BTNL8: variants seen among roughly 807,000 people sequenced by gnomAD.
BTNL8 encodes the protein butyrophilin-like protein 8.
In BTNL8, 22 loss-of-function variants were observed where a neutral mutation model predicts 36.1. The ratio of observed to expected loss-of-function variants is 0.61; its 90% CI spans 0.44 to 0.87. BTNL8 has a LOEUF of 0.87. BTNL8 is among the 40% of genes least tolerant of loss of function. The pLI is 0.00. For missense variants in BTNL8, 526 were observed against 616.9 expected (o/e 0.85, Z 1.56); for synonymous variants, 203 against 235.6 (o/e 0.86, Z 1.27).
At chr5:180,919,123 T>C (rs1757762545) in intron 3 of BTNL8, among the ~76,000 whole-genome samples, 1 of 152,192 alleles carries the variant, frequency 6.6e-6, no homozygotes, top group Non-Finnish European at 1.5e-5. Context: ...TGCTTTGGGG[T>C]AAAATATTTT....
intron 3 of BTNL8, among the ~76,000 whole-genome samples, chr5:180,918,371 AAATAT>A (rs1423781518): frequency 5.3e-5 from 8 of 152,240 alleles, no homozygotes; most frequent in Non-Finnish European, 5.9e-5. Flanking sequence ...GCAAATAAAT[AAATAT>A]AATATATGAC....
chr5:180,912,730 ATGT>A (rs1269745933), intron 3 of BTNL8, among the ~76,000 whole-genome samples: 4 of 152,188 alleles, frequency 2.6e-5, no homozygotes, highest in Non-Finnish European at 4.4e-5. Flanking sequence ...CTGAAAGTTC[ATGT>A]TGTGATCTAG....
rs564122210 is a variant in BTNL8 at position 180,908,814 on chromosome 5, C to A, written c.278C>A (p.Ala93Glu). The change falls in exon 2 of 8, where the codon GCG (alanine) becomes GAG (glutamate). Residue 93 changes from alanine to glutamate, a missense_variant. Physicochemically the swap from Ala to Glu is moderately radical, Grantham distance 107. Transcript: ENST00000340184. ...ACAAAACTGGTGAAGGATTCTATTG[C>A]GGAGGGGCGCATCTCTCTGAGGCTG... The part of the protein sequence containing the change: ...GRTKLVKDSI[A>E]EGRISLRLEN... 6 of 1,613,986 alleles carry A rather than the reference C, an allele frequency of 3.7e-6. No homozygotes were observed. The highest frequency in any genetic ancestry group is 5.1e-6 in the Non-Finnish European group (6 of 1,180,006).
At chr5:180,923,939 A>G (rs1382146978) in intron 3 of BTNL8, among the ~76,000 whole-genome samples, 1 of 152,236 alleles carries the variant, frequency 6.6e-6, no homozygotes, top group Non-Finnish European at 1.5e-5. Flanking sequence ...TACTCTTATT[A>G]AGGATTAGAT....
intron 1 of BTNL8, among the ~76,000 whole-genome samples, chr5:180,901,557 G>A (rs1431676858): frequency 6.6e-6 from 1 of 152,188 alleles, no homozygotes; most frequent in African/African-American, 2.4e-5. Context: ...AGCCTGTTCT[G>A]TGTGACTGGC....
At chr5:180,933,901 AAAAT>A in intron 3 of BTNL8, among the ~76,000 whole-genome samples, 1 of 152,288 alleles carries the variant, frequency 6.6e-6, no homozygotes, top group East Asian at 1.9e-4. Flanking sequence ...ACTCTTCCAA[AAAAT>A]GACAGAGGAC....
At chr5:180,918,773 C>G (rs1757751107) in intron 3 of BTNL8, among the ~76,000 whole-genome samples, 1 of 152,078 alleles carries the variant, frequency 6.6e-6, no homozygotes. Context: ...ATGGGGGCTT[C>G]CAAGTAATAG....
intron 3 of BTNL8, among the ~76,000 whole-genome samples, chr5:180,944,202 G>T (rs1039892075): frequency 6.6e-6 from 1 of 152,138 alleles, no homozygotes; most frequent in African/African-American, 2.4e-5. Flanking sequence ...GAGAAAGACT[G>T]GCCAATGCAT....
chr5:180,949,261 C>T lies in BTNL8; in HGVS notation c.858C>T (p.His286=), dbSNP rs145611296. ...GQAELRDARK[H]AVEVTLDPET... The stretch of plus-strand genomic sequence containing the variant: ...CAGAATTGAGAGACGCCCGGAAACA[C>T]GCAGGTACCAACGCCTGAGAGGGTG... Residue 286 remains histidine (H), a synonymous_variant, in exon 7 of 8, where the codon CAC becomes CAT. Coordinates refer to ENST00000340184, the MANE Select transcript of BTNL8 (RefSeq NM_001040462.3). 8.4e-5 allele frequency: 123 copies of T among 1,460,646 alleles called. 17 individuals carry two copies. In the African/African-American group the frequency reaches 1.3e-3, roughly 15 times the overall value. The allele number at this position is 1,460,646 out of a possible 1,614,324, so 90.5% of individuals were successfully genotyped here. A position where few individuals can be genotyped will look rare whatever the true frequency, so the allele number is the denominator to read the frequency against.
intron 3 of BTNL8, among the ~76,000 whole-genome samples, chr5:180,930,422 C>T (rs1417259009): frequency 6.6e-6 from 1 of 152,180 alleles, no homozygotes; most frequent in Non-Finnish European, 1.5e-5. Flanking sequence ...TCCTCTTTCA[C>T]CACTCCTATT....
intron 3 of BTNL8, among the ~76,000 whole-genome samples, chr5:180,912,554 A>G (rs1236218116): frequency 6.6e-6 from 1 of 152,058 alleles, no homozygotes. Flanking sequence ...ATAACTTTTC[A>G]GTCATCCCTA....
intron 3 of BTNL8, among the ~76,000 whole-genome samples, chr5:180,925,850 A>G (rs1758069631): frequency 1.3e-5 from 2 of 152,264 alleles, no homozygotes; most frequent in Non-Finnish European, 2.9e-5. Context: ...TAAATTGTAA[A>G]GAAATACAAA....
intron 3 of BTNL8, among the ~76,000 whole-genome samples, chr5:180,934,678 G>A (rs556092017): frequency 6.6e-6 from 1 of 152,318 alleles, no homozygotes; most frequent in East Asian, 1.9e-4. Flanking sequence ...GTGTCTGGAC[G>A]AGGGGAATGT....
Position 180,911,399 on chromosome 5 carries a change from T to C in BTNL8, c.458T>C (p.Leu153Pro). 1 of 1,614,230 alleles carries C rather than the reference T, an allele frequency of 6.2e-7. No homozygotes were observed. Among genetic ancestry groups the C allele is most frequent in the Non-Finnish European group, 8.5e-7 (1 of 1,180,044 alleles). The change falls in exon 3 of 8, where the codon CTC becomes CCC. Residue 153 changes from leucine to proline, a missense_variant. This residue lies in a region of BTNL8 where 350 missense variants were observed against 324.6 expected (regional missense o/e 1.08). Coordinates refer to ENST00000340184, the MANE Select transcript of BTNL8 (RefSeq NM_001040462.3). ...TGYVDRDIQL[L>P]CQSSGWFPRP... ...TATGTTGATAGAGACATCCAGCTAC[T>C]CTGTCAGTCCTCGGGCTGGTTCCCC...
chr5:180,921,929 A>C (rs1180466148), intron 3 of BTNL8, among the ~76,000 whole-genome samples: 6 of 152,058 alleles, frequency 3.9e-5, no homozygotes, highest in Non-Finnish European at 8.8e-5. Flanking sequence ...AAAATAAATT[A>C]ACACCTTTAA....
chr5:180,906,883 G>A (rs1438098202), intron 1 of BTNL8, among the ~76,000 whole-genome samples: 2 of 93,194 alleles, frequency 2.1e-5, no homozygotes, highest in East Asian at 2.9e-4. Flanking sequence ...GGTTTCTGCC[G>A]AGAGATCCGC....
At chr5:180,930,491 A>T (rs1758319485) in intron 3 of BTNL8, among the ~76,000 whole-genome samples, 1 of 152,222 alleles carries the variant, frequency 6.6e-6, no homozygotes, top group Non-Finnish European at 1.5e-5. Flanking sequence ...AATAAAGGGT[A>T]TTCAAATAGG....
chr5:180,921,673 AC>A, intron 3 of BTNL8, among the ~76,000 whole-genome samples: 1 of 151,638 alleles, frequency 6.6e-6, no homozygotes, highest in Non-Finnish European at 1.5e-5. Flanking sequence ...ACACACACAC[AC>A]ACACACACAC....
At chr5:180,936,331 T>C in intron 3 of BTNL8, among the ~76,000 whole-genome samples, 1 of 152,146 alleles carries the variant, frequency 6.6e-6, no homozygotes, top group Admixed American at 6.5e-5. Flanking sequence ...CATCATCTTA[T>C]ATATAGAAAA....
Sources: gnomAD v4.1 joint callset for allele counts (sites outside exome capture counted in the v4.1 genomes callset) on GRCh38, gnomAD v4.1.1 for gene constraint, gnomAD v4.1.1 regional missense constraint, MANE v1.5 for transcripts, NCBI Gene and HGNC (gene_info 2026-07-23, HGNC 2026-07-21) for gene names.